LNPEP: variants seen among roughly 807,000 people sequenced by gnomAD.
The protein encoded by LNPEP is leucyl-cystinyl aminopeptidase.
Under a neutral mutation model 120.6 loss-of-function variants are expected in LNPEP, and 64 were observed. That is an observed-to-expected ratio of 0.53 (90% CI 0.43 to 0.65). The LOEUF (loss-of-function observed/expected upper bound fraction) is 0.65. LNPEP is among the 30% of genes least tolerant of loss of function. The pLI, the probability that LNPEP is intolerant of heterozygous loss-of-function variation, is 0.00. For synonymous variants in LNPEP, 435 were observed against 425.4 expected (o/e 1.02, Z -0.28); for missense variants, 1,057 against 1,200.0 (o/e 0.88, Z 1.76).
chr5:96,962,604 T>G (rs1581987555), intron 1 of LNPEP: 1 of 151,934 alleles, frequency 6.6e-6, no homozygotes, highest in Non-Finnish European at 1.5e-5. Flanking sequence ...AGCAGTCTGG[T>G]TCCAGAGATA....
At chr5:96,978,175 A>G (rs188838378) in intron 1 of LNPEP, among the ~76,000 whole-genome samples, 32 of 152,238 alleles carry the variant, frequency 2.1e-4, no homozygotes, top group African/African-American at 7.7e-4. Flanking sequence ...TTAAATAAAA[A>G]ACATTGAACG....
At chr5:96,989,857 T>G (rs921472226) in intron 4 of LNPEP, among the ~76,000 whole-genome samples, 5 of 152,208 alleles carry the variant, frequency 3.3e-5, no homozygotes, top group African/African-American at 1.2e-4. Context: ...TTAAACTACA[T>G]TTTTTCCTAA....
chr5:96,955,563 C>T (rs1296271981), intron 1 of LNPEP, among the ~76,000 whole-genome samples: 3 of 152,064 alleles, frequency 2.0e-5, no homozygotes, highest in African/African-American at 7.2e-5. Context: ...TGTAGTGAGC[C>T]GAGATTGTGC....
chr5:96,991,927 C>T lies in LNPEP; in HGVS notation c.1132-1088C>T, dbSNP rs547385851. On this transcript the variant is annotated intron_variant, in intron 4 of 17. Transcript: ENST00000231368. Reference sequence around the variant, plus strand: ...GAATTGTTCAAAAAGTTTCCATTTTCCACCTGTTGAGATCTTCATTTTGAG... The same window carrying T: ...GAATTGTTCAAAAAGTTTCCATTTTTCACCTGTTGAGATCTTCATTTTGAG... Among the ~76,000 whole-genome samples, 13 of 152,288 alleles carry T rather than the reference C, an allele frequency of 8.5e-5. 1 individual carries two copies. In the South Asian group the frequency reaches 2.5e-3, roughly 29 times the overall value.
chr5:96,991,652 G>T (rs1286277363), intron 4 of LNPEP, among the ~76,000 whole-genome samples: 1 of 151,838 alleles, frequency 6.6e-6, no homozygotes, highest in Non-Finnish European at 1.5e-5. Context: ...TTTTTTGATG[G>T]GATTGTTTTA....
chr5:96,948,655 T>A (rs1789249762), intron 1 of LNPEP, among the ~76,000 whole-genome samples: 1 of 152,236 alleles, frequency 6.6e-6, no homozygotes, highest in African/African-American at 2.4e-5. Context: ...TTTGAGGAGC[T>A]TACATTCTTG....
intron 1 of LNPEP, among the ~76,000 whole-genome samples, chr5:96,975,466 G>A (rs1004625905): frequency 1.3e-5 from 2 of 152,148 alleles, no homozygotes; most frequent in East Asian, 1.9e-4. Context: ...CCTTTTTGAC[G>A]TGACTTGTAA....
At chr5:96,964,507 T>C (rs1789681514) in intron 1 of LNPEP, among the ~76,000 whole-genome samples, 1 of 152,128 alleles carries the variant, frequency 6.6e-6, no homozygotes, top group South Asian at 2.1e-4. Flanking sequence ...CTTTTCTATG[T>C]TTAAAATAGG....
Position 97,035,009 on chromosome 5 carries a change from G to A in LNPEP, c.*6476G>A, listed in dbSNP as rs932705360. On this transcript the variant is annotated 3_prime_UTR_variant, in exon 18 of 18. Transcript: ENST00000231368. ...TGTATATAAATATTTGCTACATTCT[G>A]TGTGTTATATAATGTGGTACCCAGT... 6.6e-5 allele frequency: 10 copies of A among 152,162 alleles called. No individual in the cohort carries two copies. The highest frequency in any genetic ancestry group is 5.2e-4 in the Admixed American group (8 of 15,270). 9.4% of individuals were successfully genotyped at this position (152,162 alleles called of 1,614,324 possible).
chr5:97,011,480 T>C (rs1347457228), intron 11 of LNPEP, among the ~76,000 whole-genome samples: 1 of 152,212 alleles, frequency 6.6e-6, no homozygotes, highest in Non-Finnish European at 1.5e-5. Context: ...TCCTCCTGCC[T>C]TGGTCTCTCA....
At chr5:96,949,302 C>CGTA (rs1789267338) in intron 1 of LNPEP, among the ~76,000 whole-genome samples, 1 of 152,208 alleles carries the variant, frequency 6.6e-6, no homozygotes, top group Admixed American at 6.5e-5. Flanking sequence ...TGAGCGTTAC[C>CGTA]GCCTGGGCGC....
At chr5:96,959,060 A>G (rs960889509) in intron 1 of LNPEP, among the ~76,000 whole-genome samples, 3 of 152,120 alleles carry the variant, frequency 2.0e-5, no homozygotes, top group East Asian at 1.9e-4. Flanking sequence ...TCTTGACTTC[A>G]TGATCCGCTT....
chr5:96,998,044 A>C lies in LNPEP; in HGVS notation c.1552A>C (p.Thr518Pro). The change falls in exon 8 of 18, where the codon ACC becomes CCC. Residue 518 changes from threonine (T) to proline (P), a missense_variant. Physicochemically the swap from Thr to Pro is conservative, Grantham distance 38 (BLOSUM62 -1). Transcript: ENST00000231368. The stretch of plus-strand genomic sequence containing the variant: ...AGATTTCTTAGATGCTCGATTTAAA[A>C]CCATGAAGAAAGATTCCTTAAATTC... ...YEDFLDARFK[T>P]MKKDSLNSSH... The C allele has an allele frequency of 6.3e-7, 1 of 1,581,994 alleles. No individual in the cohort carries two copies. The highest frequency in any genetic ancestry group is 2.3e-5 in the East Asian group (1 of 44,276).
intron 13 of LNPEP, among the ~76,000 whole-genome samples, chr5:97,019,055 T>C (rs1372680817): frequency 6.6e-6 from 1 of 152,220 alleles, no homozygotes; most frequent in Non-Finnish European, 1.5e-5. Flanking sequence ...AGGAAAGAAC[T>C]CCCTGGGCAT....
chr5:97,007,273 G>A (rs995385096), intron 11 of LNPEP, among the ~76,000 whole-genome samples: 4 of 152,268 alleles, frequency 2.6e-5, no homozygotes, highest in Middle Eastern at 3.4e-3. Flanking sequence ...TTTGAGGGGT[G>A]AGTGTAGCTT....
intron 11 of LNPEP, chr5:97,011,203 C>T: frequency 2.0e-6 from 2 of 985,098 alleles, no homozygotes; most frequent in Non-Finnish European, 2.4e-6. Context: ...TGTAGCCCTT[C>T]TTTCTGGGGT....
At position 96,979,933 on chromosome 5, in the gene LNPEP, A is replaced by G. The variant is rs772582117; in HGVS notation, c.815A>G (p.Tyr272Cys). 6.2e-7 allele frequency: 1 copy of G among 1,610,650 alleles called. No homozygotes were observed. The highest frequency in any genetic ancestry group is 8.5e-7 in the Non-Finnish European group (1 of 1,177,610). Residue 272 changes from tyrosine (Y) to cysteine (C), a missense_variant, in exon 2 of 18, where the codon TAT becomes TGT. By Grantham distance (194) the Tyr-to-Cys change is radical. Transcript: ENST00000231368. ...EYSANISSSYYGFYGFSYTDE... is the reference protein window; with the variant it reads ...EYSANISSSYCGFYGFSYTDE... ...TCGGCAAATATATCTAGTTCTTATT[A>G]TGGGTTTTATGGCTTCTCCTACACA...
At chr5:96,989,388 ACAATATATTATATATT>A (rs1561443298) in intron 4 of LNPEP, among the ~76,000 whole-genome samples, 7 of 23,168 alleles carry the variant, frequency 3.0e-4, no homozygotes, top group African/African-American at 1.1e-3. Context: ...TATATTATAT[ACAATATATTATATATT>A]ATATATAATA....
At chr5:97,027,919 T>A (rs1561457597) in intron 17 of LNPEP, 105 bp downstream of exon 17, 1 of 718,846 alleles carries the variant, frequency 1.4e-6, no homozygotes, top group Non-Finnish European at 2.5e-6. Flanking sequence ...TAATTCCTTC[T>A]CTTATCTCTG....
Sources: allele counts gnomAD v4.1 joint callset (sites outside exome capture counted in the v4.1 genomes callset), GRCh38; gene constraint gnomAD v4.1.1; transcripts MANE v1.5; gene names NCBI Gene and HGNC (gene_info 2026-07-23, HGNC 2026-07-21).